Variants in DPP9 observed in about 807,000 individuals in gnomAD.
The protein encoded by DPP9 is dipeptidyl peptidase 9.
DPP9 carries 50 observed loss-of-function variants against 110.7 expected under a neutral mutation model. That is an observed-to-expected ratio of 0.45 (90% CI 0.36 to 0.57). The LOEUF (loss-of-function observed/expected upper bound fraction) is 0.57, where lower values mean the gene tolerates loss of function less well. DPP9 is among the 20% of genes least tolerant of loss of function. The pLI is 0.00. For missense variants in DPP9, 1,022 were observed against 1,217.9 expected (o/e 0.84, Z 2.39); for synonymous variants, 561 against 514.4 (o/e 1.09, Z -1.23).
At chr19:4,681,351 T>C (rs1046025485) in intron 20 of DPP9, among the ~76,000 whole-genome samples, 1 of 152,200 alleles carries the variant, frequency 6.6e-6, no homozygotes, top group Admixed American at 6.5e-5. Context: ...AGTCTCGCTC[T>C]GTTGCCCAGG....
chr19:4,683,857 G>A, intron 18 of DPP9: 5 of 1,520,600 alleles, frequency 3.3e-6, no homozygotes, highest in Non-Finnish European at 4.4e-6. Context: ...GGCTCTGGGA[G>A]CCACGTCCCC....
Position 4,676,532 on chromosome 19 carries a change from T to A in DPP9, c.*32A>T. The A allele has an allele frequency of 6.4e-7, 1 of 1,554,596 alleles. No homozygotes were observed. On this transcript the variant is annotated 3_prime_UTR_variant, in exon 22 of 22. Transcript: ENST00000262960. The surrounding 1 kb of genome is among the most constrained non-coding windows in gnomAD (Gnocchi z 4.0). ...TCCCCGCGGAGGCTGCAGCCACTTG[T>A]GCTGTGATGTGGCGGCTCCCGGTGG...
rs755323928 is a variant in DPP9 at position 4,700,309 on chromosome 19, C to G, written c.1013-32G>C. The G allele has an allele frequency of 7.0e-6, 11 of 1,577,684 alleles. No individual in the cohort carries two copies. In the Admixed American group the frequency reaches 1.9e-4, roughly 27 times the overall value. On this transcript the variant is annotated intron_variant, in intron 9 of 21. Coordinates refer to ENST00000262960, the MANE Select transcript of DPP9 (RefSeq NM_139159.5). This position sits in a 1 kb window ranked among gnomAD's most constrained non-coding sequence, Gnocchi z 4.3. Reference sequence around the variant, plus strand: ...AAACCGAAGTGAGGTGAACACCAGGCAGGCATCACCCGTGTGTGCCGAGAG... The same window carrying G: ...AAACCGAAGTGAGGTGAACACCAGGGAGGCATCACCCGTGTGTGCCGAGAG...
At position 4,698,880 on chromosome 19, in the gene DPP9, CG is replaced by C. The variant is rs1214339628; in HGVS notation, c.1075-1230del. 1.3e-5 allele frequency among the ~76,000 whole-genome samples: 2 copies of C among 152,022 alleles called. No homozygotes were observed. Among genetic ancestry groups the C allele is most frequent in the African/African-American group, 4.8e-5 (2 of 41,372 alleles). On this transcript the variant is annotated intron_variant, in intron 10 of 21. Transcript: ENST00000262960. This position sits in a 1 kb window ranked among gnomAD's most constrained non-coding sequence, Gnocchi z 4.2. ...TACTGTCAAGAATGCAAAAGAAGGC[CG>C]GGTGTGGTGGCTCACACCTGTAATC... is the stretch of plus-strand genomic sequence containing the variant.
At chr19:4,699,936 C>T (rs1426037171) in intron 10 of DPP9, among the ~76,000 whole-genome samples, 3 of 152,236 alleles carry the variant, frequency 2.0e-5, no homozygotes, top group East Asian at 1.9e-4. Context: ...CGCCTGTCCT[C>T]GCAGGGCCCC....
In DPP9 at chr19:4,715,024, T is replaced by TAC. The variant is rs2145924330; in HGVS notation, c.57-688_57-687insGT. ...TATATGTTTATATATATATACTTTT[T>TAC]TTTTTTTTTTTTTTTTTTTTTGGAG... is the stretch of plus-strand genomic sequence containing the variant. On this transcript the variant is annotated intron_variant, in intron 3 of 21. Transcript: ENST00000262960. Among the ~76,000 whole-genome samples the TAC allele has an allele frequency of 8.1e-5, 4 of 49,370 alleles. No individual in the cohort carries two copies. In the South Asian group the frequency reaches 1.5e-3, roughly 19 times the overall value. The allele number at this position is 49,370 out of a possible 152,430, so 32.4% of individuals were successfully genotyped here.
In DPP9 at chr19:4,689,752, C is replaced by A; in HGVS notation, c.1597-30G>T. ...AGGGGGACAGGGGATCCTCGTGATG[C>A]GTCCCAGATGCCCCTGGGCCCACAC... is the stretch of plus-strand genomic sequence containing the variant. On this transcript the variant is annotated intron_variant, in intron 14 of 21. Transcript: ENST00000262960. The surrounding 1 kb of genome is among the most constrained non-coding windows in gnomAD (Gnocchi z 7.0). 6.5e-7 allele frequency: 1 copy of A among 1,531,288 alleles called. No individual in the cohort carries two copies. The highest frequency in any genetic ancestry group is 2.5e-5 in the East Asian group (1 of 40,358). 94.9% of individuals were successfully genotyped at this position (1,531,288 alleles called of 1,614,324 possible).
intron 4 of DPP9, among the ~76,000 whole-genome samples, chr19:4,707,278 G>A (rs1317993278): frequency 6.6e-6 from 1 of 152,120 alleles, no homozygotes; most frequent in Non-Finnish European, 1.5e-5. Context: ...GTCCTTAGTG[G>A]CAAATAAAAT....
chr19:4,722,839 G>A, intron 1 of DPP9: 1 of 365,502 alleles, frequency 2.7e-6, no homozygotes. Flanking sequence ...AAGCAGGTTG[G>A]TTCTTGCCTG....
At chr19:4,699,247 G>A in intron 10 of DPP9, among the ~76,000 whole-genome samples, 1 of 151,840 alleles carries the variant, frequency 6.6e-6, no homozygotes, top group East Asian at 1.9e-4. Context: ...AGCACACAAG[G>A]GCCTCCTTGG....
In DPP9 at chr19:4,718,586, C is replaced by T. The variant is rs1849040849; in HGVS notation, c.56+1265G>A. Among the ~76,000 whole-genome samples the T allele has an allele frequency of 1.3e-5, 2 of 152,242 alleles. No homozygotes were observed. The highest frequency in any genetic ancestry group is 4.8e-5 in the African/African-American group (2 of 41,478). On this transcript the variant is annotated intron_variant, in intron 3 of 21. Transcript: ENST00000262960. This position sits in a 1 kb window ranked among gnomAD's most constrained non-coding sequence, Gnocchi z 4.3. ...TGTCCTACCCAAACTGCCCCCAGCACTGCCTGGGCCTTTAGCTTTGATGAG... is the reference window on the plus strand; with the variant it reads ...TGTCCTACCCAAACTGCCCCCAGCATTGCCTGGGCCTTTAGCTTTGATGAG...
chr19:4,714,854 C>T (rs1009685137), intron 3 of DPP9, among the ~76,000 whole-genome samples: 3 of 152,070 alleles, frequency 2.0e-5, no homozygotes, highest in Admixed American at 2.0e-4. Flanking sequence ...CCTTGAATCT[C>T]ATCCTTCTTA....
intron 13 of DPP9, among the ~76,000 whole-genome samples, chr19:4,691,266 G>C (rs1175567495): frequency 1.3e-5 from 2 of 151,996 alleles, no homozygotes; most frequent in Non-Finnish European, 1.5e-5. Context: ...TTGAGGCCAG[G>C]AGTTTGAGAC....
At chr19:4,679,322 C>G (rs2089433082) in intron 21 of DPP9, 1 of 157,420 alleles carries the variant, frequency 6.4e-6, no homozygotes, top group South Asian at 1.8e-4. Context: ...CTGAGCCCCA[C>G]GTTGCTGCCA....
At position 4,687,923 on chromosome 19, in the gene DPP9, G is replaced by C. The variant is rs977327534; in HGVS notation, c.1885+834C>G. On this transcript the variant is annotated intron_variant, in intron 16 of 21. Transcript: ENST00000262960. The surrounding 1 kb of genome is among the most constrained non-coding windows in gnomAD (Gnocchi z 4.7). ...GGCCATTCTCTTGCCTCAGCCTCCC[G>C]AGTAGTGGGACTACAGGCGCCCGCC... is the stretch of plus-strand genomic sequence containing the variant. 1.3e-5 allele frequency among the ~76,000 whole-genome samples: 2 copies of C among 151,778 alleles called. No individual in the cohort carries two copies. The highest frequency in any genetic ancestry group is 2.9e-5 in the Non-Finnish European group (2 of 67,962).
At chr19:4,707,107 C>T (rs73920120) in intron 4 of DPP9, among the ~76,000 whole-genome samples, 2,460 of 152,200 alleles carry the variant, frequency 0.016, 55 homozygotes, top group African/African-American at 0.056. Flanking sequence ...AGCTGCCAAG[C>T]GAGGGTTTTG....
rs1599884106 is a variant in DPP9, at chr19:4,689,033, A to C, written c.1750-141T>G. On this transcript the variant is annotated intron_variant, in intron 15 of 21. Transcript: ENST00000262960. The surrounding 1 kb of genome is among the most constrained non-coding windows in gnomAD (Gnocchi z 7.0). ...GCCTGTCATGAAACCTCAAAGCTCCACCCGCTGCTGCAAGGGGGGCACCAC... is the reference window on the plus strand; with the variant it reads ...GCCTGTCATGAAACCTCAAAGCTCCCCCCGCTGCTGCAAGGGGGGCACCAC... 1.2e-4 allele frequency: 120 copies of C among 974,470 alleles called. No individual in the cohort carries two copies. The highest frequency in any genetic ancestry group is 1.5e-4 in the Non-Finnish European group (114 of 764,514). 60.4% of individuals were successfully genotyped at this position (974,470 alleles called of 1,614,324 possible).
chr19:4,690,804 C>T (rs1417106502), intron 14 of DPP9, 74 bp downstream of exon 14: 73 of 1,136,568 alleles, frequency 6.4e-5, no homozygotes, highest in Non-Finnish European at 5.5e-5. Flanking sequence ...TATGCGCGTG[C>T]GTGTGTGTGT....
rs896228318 is a variant in DPP9 at position 4,675,270 on chromosome 19, G to A, written c.*1294C>T. ...CGTTTAATGTGTCTACTTCTTCCAC[G>A]CATAATTATAAAAGAATAAGAATCG... On this transcript the variant is annotated 3_prime_UTR_variant, in exon 22 of 22. Transcript: ENST00000262960. 7 of 152,180 alleles carry A rather than the reference G, an allele frequency of 4.6e-5. No homozygotes were observed. The highest frequency in any genetic ancestry group is 1.5e-4 in the African/African-American group (6 of 41,316). The allele number at this position is 152,180 out of a possible 1,614,324, so 9.4% of individuals were successfully genotyped here.
Sources: allele counts gnomAD v4.1 joint callset (sites outside exome capture counted in the v4.1 genomes callset), GRCh38; gene constraint gnomAD v4.1.1; non-coding constraint Gnocchi (gnomAD v3.1); transcripts MANE v1.5; gene names NCBI Gene and HGNC (gene_info 2026-07-23, HGNC 2026-07-21).